The following CDK14 variants were observed in gnomAD, a reference collection of about 807,000 sequenced individuals.
CDK14 encodes cyclin dependent kinase 14.
In CDK14, 34 loss-of-function variants were observed where a neutral mutation model predicts 60.7. The observed-to-expected ratio is 0.56, with a 90% CI of 0.43 to 0.75. The LOEUF (loss-of-function observed/expected upper bound fraction) is 0.75, where lower values mean the gene tolerates loss of function less well. Among genes scored for constraint, CDK14 ranks in the 30% least tolerant of loss-of-function variants. The pLI is 0.00. For synonymous variants in CDK14, 197 were observed against 203.7 expected (o/e 0.97, Z 0.28); for missense variants, 482 against 564.1 (o/e 0.85, Z 1.47).
At chr7:90,661,954 C>T (rs1392913479) in intron 2 of CDK14, among the ~76,000 whole-genome samples, 2 of 152,178 alleles carry the variant, frequency 1.3e-5, no homozygotes, top group Non-Finnish European at 2.9e-5. Context: ...ATTAAATATG[C>T]TGCTTGCTAG....
intron 6 of CDK14, among the ~76,000 whole-genome samples, chr7:90,898,264 G>A (rs1792397836): frequency 6.6e-6 from 1 of 152,028 alleles, no homozygotes; most frequent in African/African-American, 2.4e-5. Flanking sequence ...TTAGTGACTA[G>A]TGTTGTGCCT....
At chr7:91,040,205 G>A (rs1243865409) in intron 10 of CDK14, among the ~76,000 whole-genome samples, 2 of 152,194 alleles carry the variant, frequency 1.3e-5, no homozygotes, top group Non-Finnish European at 1.5e-5. Context: ...GGCAGTGCAA[G>A]CTCCAGGTGG....
intron 12 of CDK14, among the ~76,000 whole-genome samples, chr7:91,099,130 T>C (rs967677428): frequency 6.6e-6 from 1 of 152,146 alleles, no homozygotes; most frequent in East Asian, 1.9e-4. Context: ...ATTTGTAACT[T>C]CTCTAGGGTT....
intron 8 of CDK14, among the ~76,000 whole-genome samples, chr7:90,922,075 A>G (rs1212552980): frequency 6.6e-6 from 1 of 152,186 alleles, no homozygotes; most frequent in Non-Finnish European, 1.5e-5. Flanking sequence ...TAGCCTCTGG[A>G]TAAAAGCTTG....
chr7:90,723,094 GCTCT>G (rs547727639), intron 2 of CDK14, among the ~76,000 whole-genome samples: 3 of 152,110 alleles, frequency 2.0e-5, no homozygotes, highest in Non-Finnish European at 4.4e-5. Context: ...TTTGGTAGAT[GCTCT>G]CTATCAGTTT....
intron 1 of CDK14, among the ~76,000 whole-genome samples, chr7:90,601,954 G>GTATGTATGTATC (rs1250041622): frequency 1.3e-4 from 19 of 151,798 alleles, no homozygotes; most frequent in African/African-American, 4.4e-4. Flanking sequence ...ATGTATGTAT[G>GTATGTATGTATC]TATGTATGTA....
At chr7:90,796,994 C>G (rs1235277904) in intron 5 of CDK14, among the ~76,000 whole-genome samples, 1 of 151,706 alleles carries the variant, frequency 6.6e-6, no homozygotes, top group Non-Finnish European at 1.5e-5. Flanking sequence ...AGAATCAAAA[C>G]CTACTGATTT....
At chr7:90,879,850 C>T (rs1260880541) in intron 6 of CDK14, among the ~76,000 whole-genome samples, 1 of 151,254 alleles carries the variant, frequency 6.6e-6, no homozygotes, top group Non-Finnish European at 1.5e-5. Flanking sequence ...TATGGTGGAC[C>T]ATCTGAAAGC....
chr7:91,076,882 C>A (rs567959551), intron 11 of CDK14, among the ~76,000 whole-genome samples: 1 of 152,214 alleles, frequency 6.6e-6, no homozygotes, highest in Middle Eastern at 3.4e-3. Context: ...ATACAGCCAA[C>A]AAACATATGA....
At chr7:91,070,060 A>G (rs1798093523) in intron 11 of CDK14, among the ~76,000 whole-genome samples, 1 of 152,240 alleles carries the variant, frequency 6.6e-6, no homozygotes, top group East Asian at 1.9e-4. Context: ...GCCTCCCAAA[A>G]TGCTGGGATT....
chr7:91,177,582 T>C (rs1364107522), intron 14 of CDK14, among the ~76,000 whole-genome samples: 3 of 152,124 alleles, frequency 2.0e-5, no homozygotes, highest in African/African-American at 7.2e-5. Flanking sequence ...GCCCGAAATC[T>C]CCTTAAGCTG....
chr7:90,696,528 T>G (rs1301866943), intron 2 of CDK14, among the ~76,000 whole-genome samples: 1 of 151,850 alleles, frequency 6.6e-6, no homozygotes, highest in East Asian at 1.9e-4. Context: ...TTGGCCAGGC[T>G]TCTGTCAAAC....
At chr7:90,638,303 G>T (rs186766455) in intron 2 of CDK14, among the ~76,000 whole-genome samples, 23 of 152,194 alleles carry the variant, frequency 1.5e-4, no homozygotes, top group Non-Finnish European at 1.8e-4. Context: ...GCTTCCTTCG[G>T]GAGCTCTTTT....
At chr7:90,664,732 C>A (rs914519402) in intron 2 of CDK14, among the ~76,000 whole-genome samples, 1 of 145,160 alleles carries the variant, frequency 6.9e-6, no homozygotes, top group Non-Finnish European at 1.5e-5. Context: ...AGGTGGTAAT[C>A]GAACAATGAG....
At position 90,610,725 on chromosome 7, in the gene CDK14, GCTGT is replaced by G. The variant is rs1291293726; in HGVS notation, c.123+6479_123+6482del. ...TTACATTGTTTTCCCTTAATGCATG[GCTGT>G]CTATCTAAATTTCCCCTTTTTACAA... On this transcript the variant is annotated intron_variant, in intron 2 of 14. Transcript: ENST00000380050. Among the ~76,000 whole-genome samples the G allele has an allele frequency of 4.6e-5, 7 of 152,138 alleles. No homozygotes were observed. The East Asian group carries it at 9.7e-4, about 21-fold the overall frequency.
chr7:90,820,481 A>C (rs947467779), intron 5 of CDK14, among the ~76,000 whole-genome samples: 2 of 152,132 alleles, frequency 1.3e-5, no homozygotes, highest in Non-Finnish European at 2.9e-5. Flanking sequence ...TTGGTTTAAA[A>C]GTGACATTTC....
chr7:90,658,319 G>C (rs561430123), intron 2 of CDK14, among the ~76,000 whole-genome samples: 47 of 152,294 alleles, frequency 3.1e-4, no homozygotes, highest in African/African-American at 1.1e-3. Flanking sequence ...CATGGTTCTG[G>C]TGAGGGCCCT....
At chr7:90,973,563 C>T (rs937827739) in intron 9 of CDK14, among the ~76,000 whole-genome samples, 1 of 152,120 alleles carries the variant, frequency 6.6e-6, no homozygotes, top group African/African-American at 2.4e-5. Flanking sequence ...GGGGGACCAG[C>T]CCACAATATT....
In CDK14 at chr7:90,810,561, C is replaced by T. The variant is rs371655715; in HGVS notation, c.544+19909C>T. Among the ~76,000 whole-genome samples the T allele has an allele frequency of 7.2e-5, 11 of 152,272 alleles. No homozygotes were observed. In the East Asian group the frequency reaches 2.1e-3, roughly 29 times the overall value. On this transcript the variant is annotated intron_variant, in intron 5 of 14. Transcript: ENST00000380050. ...GAAGCATTCCCTTTGAAAACTGGCACAAGACAGGGATGCCCTCTCTCACCA... is the reference window on the plus strand; with the variant it reads ...GAAGCATTCCCTTTGAAAACTGGCATAAGACAGGGATGCCCTCTCTCACCA...
Sources: allele counts gnomAD v4.1 joint callset (sites outside exome capture counted in the v4.1 genomes callset), GRCh38; gene constraint gnomAD v4.1.1; transcripts MANE v1.5; gene names NCBI Gene and HGNC (gene_info 2026-07-23, HGNC 2026-07-21).